The following SNTG1 variants were observed in gnomAD, a reference collection of about 807,000 sequenced individuals.
The protein encoded by SNTG1 is syntrophin gamma 1, also known as gamma-1-syntrophin.
SNTG1 carries 39 observed loss-of-function variants against 74.7 expected under a neutral mutation model. The ratio of observed to expected loss-of-function variants is 0.52; its 90% CI spans 0.40 to 0.68. SNTG1 has a LOEUF of 0.68. Among genes scored for constraint, SNTG1 ranks in the 30% least tolerant of loss-of-function variants. The pLI is 0.00. For synonymous variants in SNTG1, 254 were observed against 217.1 expected (o/e 1.17, Z -1.49); for missense variants, 685 against 609.5 (o/e 1.12, Z -1.30).
chr8:50,714,407 GA>G (rs34760193), intron 17 of SNTG1, among the ~76,000 whole-genome samples: 35,204 of 147,134 alleles, frequency 0.24, 4,309 homozygotes, highest in Middle Eastern at 0.34. Context: ...ACAAACAAAT[GA>G]AAAAAAAAAA....
chr8:50,354,793 G>A (rs768042863), intron 2 of SNTG1, among the ~76,000 whole-genome samples: 4 of 152,106 alleles, frequency 2.6e-5, no homozygotes, highest in African/African-American at 7.2e-5. Flanking sequence ...CCAGGCTCAC[G>A]TAGCTAAGGC....
intron 2 of SNTG1, among the ~76,000 whole-genome samples, chr8:50,178,312 C>G (rs2083073438): frequency 6.6e-6 from 1 of 151,914 alleles, no homozygotes; most frequent in Admixed American, 6.6e-5. Flanking sequence ...CTCTACCTCT[C>G]CCTCTTTCCA....
chr8:50,488,624 C>G (rs2093820605), intron 8 of SNTG1, among the ~76,000 whole-genome samples: 1 of 152,136 alleles, frequency 6.6e-6, no homozygotes, highest in Admixed American at 6.5e-5. Context: ...AATGTCTATC[C>G]TCCATCATCT....
intron 8 of SNTG1, among the ~76,000 whole-genome samples, chr8:50,462,581 C>T (rs892178724): frequency 1.4e-4 from 22 of 152,022 alleles, no homozygotes; most frequent in East Asian, 7.7e-4. Flanking sequence ...ATATTGGAGT[C>T]AACTTTCTCA....
intron 18 of SNTG1, among the ~76,000 whole-genome samples, chr8:50,790,957 A>G (rs1224295602): frequency 6.6e-6 from 1 of 151,928 alleles, no homozygotes; most frequent in African/African-American, 2.4e-5. Context: ...TTTTCACCCA[A>G]TTGTAACACT....
chr8:50,112,668 C>T (rs2080645813), intron 1 of SNTG1, among the ~76,000 whole-genome samples: 1 of 151,166 alleles, frequency 6.6e-6, no homozygotes, highest in African/African-American at 2.4e-5. Flanking sequence ...GATTACAGGC[C>T]CCTGCCACCA....
intron 1 of SNTG1, among the ~76,000 whole-genome samples, chr8:50,157,743 G>A (rs1405838361): frequency 1.3e-5 from 2 of 152,076 alleles, no homozygotes; most frequent in Non-Finnish European, 2.9e-5. Flanking sequence ...AAAACAATGT[G>A]CAGCTTCTTG....
chr8:49,974,636 A>G (rs1286904295), intron 1 of SNTG1, among the ~76,000 whole-genome samples: 2 of 152,138 alleles, frequency 1.3e-5, no homozygotes, highest in African/African-American at 4.8e-5. Context: ...AGGCTGTGTG[A>G]CTTTGTGGTT....
At chr8:49,917,753 C>G (rs1324027294) in intron 1 of SNTG1, among the ~76,000 whole-genome samples, 1 of 152,080 alleles carries the variant, frequency 6.6e-6, no homozygotes, top group Non-Finnish European at 1.5e-5. Context: ...CTTATTCAAA[C>G]CTATATCTCT....
At chr8:50,126,268 T>A (rs1196927780) in intron 1 of SNTG1, among the ~76,000 whole-genome samples, 1 of 152,160 alleles carries the variant, frequency 6.6e-6, no homozygotes, top group African/African-American at 2.4e-5. Flanking sequence ...GGACTCAGAC[T>A]GGCTATTTTT....
chr8:50,492,229 A>G (rs1186620120), intron 8 of SNTG1, among the ~76,000 whole-genome samples: 2 of 152,196 alleles, frequency 1.3e-5, no homozygotes, highest in African/African-American at 4.8e-5. Flanking sequence ...AGAATAATTT[A>G]TAGTCCTTTG....
At chr8:50,309,179 G>A (rs999367304) in intron 2 of SNTG1, among the ~76,000 whole-genome samples, 8 of 152,008 alleles carry the variant, frequency 5.3e-5, no homozygotes, top group Non-Finnish European at 1.0e-4. Context: ...ACAAGCTTTT[G>A]GTTATTGTTA....
intron 1 of SNTG1, among the ~76,000 whole-genome samples, chr8:50,111,785 G>A (rs1331041775): frequency 6.6e-6 from 1 of 152,054 alleles, no homozygotes. Context: ...AATGGGACAT[G>A]GAGAATAACT....
intron 18 of SNTG1, among the ~76,000 whole-genome samples, chr8:50,772,925 G>T (rs1585755200): frequency 6.6e-6 from 1 of 151,942 alleles, no homozygotes; most frequent in African/African-American, 2.4e-5. Context: ...GATCTCTTTG[G>T]ACATGCCCAC....
At chr8:50,696,995 T>C (rs1428664660) in intron 15 of SNTG1, among the ~76,000 whole-genome samples, 1 of 152,158 alleles carries the variant, frequency 6.6e-6, no homozygotes, top group Non-Finnish European at 1.5e-5. Context: ...CATTGGTACT[T>C]TGATAGACAT....
chr8:50,375,539 G>A (rs1431668601), intron 2 of SNTG1, among the ~76,000 whole-genome samples: 1 of 152,158 alleles, frequency 6.6e-6, no homozygotes, highest in African/African-American at 2.4e-5. Context: ...ACTCCAGGCA[G>A]AGGGAAATGT....
At chr8:50,263,773 A>C (rs4421361) in intron 2 of SNTG1, among the ~76,000 whole-genome samples, 135,312 of 152,040 alleles carry the variant, frequency 0.89, 61,812 homozygotes, top group East Asian at 1. Context: ...ACTTCAATAC[A>C]GGTAGAGCAA....
At chr8:50,697,002 A>G (rs550173837) in intron 15 of SNTG1, among the ~76,000 whole-genome samples, 24 of 152,172 alleles carry the variant, frequency 1.6e-4, no homozygotes, top group African/African-American at 5.5e-4. Context: ...ACTTTGATAG[A>G]CATTGCATTG....
At chr8:50,029,964 A>T (rs1378250734) in intron 1 of SNTG1, among the ~76,000 whole-genome samples, 5 of 152,146 alleles carry the variant, frequency 3.3e-5, no homozygotes, top group African/African-American at 1.2e-4. Flanking sequence ...CATTCCCATC[A>T]ACAGTGTATG....
Sources: allele counts gnomAD v4.1 joint callset (sites outside exome capture counted in the v4.1 genomes callset), GRCh38; gene constraint gnomAD v4.1.1; transcripts MANE v1.5; gene names NCBI Gene and HGNC (gene_info 2026-07-23, HGNC 2026-07-21).